Variants in DNAH10 observed in about 807,000 individuals in gnomAD.
DNAH10 encodes axonemal beta dynein heavy chain 10.
DNAH10 carries 348 observed loss-of-function variants against 506.6 expected under a neutral mutation model. The observed-to-expected ratio is 0.69, with a 90% CI of 0.63 to 0.75. The LOEUF (loss-of-function observed/expected upper bound fraction) is 0.75, where lower values mean the gene tolerates loss of function less well. DNAH10 is among the 30% of genes least tolerant of loss of function. DNAH10 has a pLI of 0.00. For synonymous variants in DNAH10, 2,059 were observed against 2,198.6 expected, an observed-to-expected ratio of 0.94 and a Z score of 1.78; for missense variants, 5,179 against 5,787.1, an observed-to-expected ratio of 0.89 and a Z score of 3.41.
intron 30 of DNAH10, 82 bp downstream of exon 30, chr12:123,841,627 G>A: frequency 7.4e-7 from 1 of 1,352,392 alleles, no homozygotes; most frequent in East Asian, 2.4e-5. Flanking sequence ...GGAGTAGATT[G>A]GCTGACATTC....
chr12:123,870,946 G>A (rs1027711851), intron 44 of DNAH10, among the ~76,000 whole-genome samples: 4 of 152,188 alleles, frequency 2.6e-5, no homozygotes, highest in Admixed American at 6.5e-5. Flanking sequence ...TAAAATATAG[G>A]CTGGCTATTC....
Position 123,917,509 on chromosome 12 carries a change from C to T in DNAH10, c.11003-75C>T. 1 of 1,444,418 alleles carries T rather than the reference C, an allele frequency of 6.9e-7. No homozygotes were observed. The allele number at this position is 1,444,418 out of a possible 1,614,324, so 89.5% of individuals were successfully genotyped here. On this transcript the variant is annotated intron_variant, in intron 63 of 78. Coordinates refer to ENST00000673944, the MANE Select transcript of DNAH10 (RefSeq NM_001372106.1). The surrounding 1 kb of genome is among the most constrained non-coding windows in gnomAD (Gnocchi z 5.6). ...GGCTGAGACCCGCGCTAAGCTTGTC[C>T]CGTCACAGCAGGGCAGCGGGAGAGA...
intron 35 of DNAH10, 77 bp downstream of exon 35, chr12:123,851,153 G>T: frequency 4.1e-6 from 6 of 1,446,102 alleles, no homozygotes; most frequent in Non-Finnish European, 5.5e-6. Context: ...GACCTAGGAC[G>T]CGTTAGCTCC....
In DNAH10 at chr12:123,785,902, G is replaced by A; in HGVS notation, c.1387G>A (p.Val463Ile). 1.2e-6 allele frequency: 2 copies of A among 1,613,898 alleles called. No homozygotes were observed. The highest frequency in any genetic ancestry group is 1.7e-6 in the Non-Finnish European group (2 of 1,179,730). ...CATCGCCTGGGAAATCGCTGAGAGA[G>A]TCTGCCGAGTGGTCAACCTGCGGAC... ...ERIAWEIAER[V>I]CRVVNLRTLF... Residue 463 changes from valine (V) to isoleucine (I), a missense_variant, in exon 9 of 79, where the codon GTC becomes ATC. Transcript: ENST00000673944. This position sits in a 1 kb window ranked among gnomAD's most constrained non-coding sequence, Gnocchi z 4.1.
rs1037132039 is a variant in DNAH10 at position 123,861,152 on chromosome 12, C to T, written c.6890C>T (p.Thr2297Ile). ...SNIFREINKP[T>I]DKKERKYILF... Reference sequence around the variant, plus strand: ...ATCTTCAGGGAAATCAACAAGCCAACAGACAAGAAGGAGCGAAAGTGAGTA... The same window carrying T: ...ATCTTCAGGGAAATCAACAAGCCAATAGACAAGAAGGAGCGAAAGTGAGTA... Residue 2297 changes from threonine to isoleucine, a missense_variant, in exon 39 of 79, where the codon ACA becomes ATA. Thr to Ile is a moderately conservative substitution (Grantham distance 89). Transcript: ENST00000673944. The T allele has an allele frequency of 6.2e-7, 1 of 1,613,830 alleles. No homozygotes were observed. Among genetic ancestry groups the T allele is most frequent in the South Asian group, 1.1e-5 (1 of 91,058 alleles).
chr12:123,864,595 G>A lies in DNAH10; in HGVS notation c.6909G>A (p.Lys2303=). 1 of 1,613,650 alleles carries A rather than the reference G, an allele frequency of 6.2e-7. No individual in the cohort carries two copies. Among genetic ancestry groups the A allele is most frequent in the Non-Finnish European group, 8.5e-7 (1 of 1,179,788 alleles). Residue 2303 remains lysine (K), a splice_region_variant and synonymous_variant, in exon 40 of 79, where the codon AAG becomes AAA. Coordinates refer to ENST00000673944, the MANE Select transcript of DNAH10 (RefSeq NM_001372106.1). ...INKPTDKKER[K]YILFDGDVDA... is the part of the protein sequence containing the mutation. ...GCTCTCCTTTCTTTGGTTGCTGCAG[G>A]TATATTTTATTTGATGGTGATGTGG...
At position 123,887,116 on chromosome 12, in the gene DNAH10, C is replaced by T. The variant is rs1268970132; in HGVS notation, c.8824-26C>T. On this transcript the variant is annotated intron_variant, in intron 51 of 78. Transcript: ENST00000673944. ...GAAGGGAGGCTGGTGGTGGTGACGC[C>T]CATGTGCTCTGTGTCTGCATCGCAG... 4 of 1,580,066 alleles carry T rather than the reference C, an allele frequency of 2.5e-6. No homozygotes were observed. In the African/African-American group the frequency reaches 4.0e-5, roughly 16 times the overall value.
At chr12:123,856,237 A>G (rs1035482549) in intron 36 of DNAH10, among the ~76,000 whole-genome samples, 1 of 147,884 alleles carries the variant, frequency 6.8e-6, no homozygotes, top group African/African-American at 2.5e-5. Context: ...TAATATATGT[A>G]TATAATTTAT....
rs1048244663 is a variant in DNAH10, at chr12:123,787,667, C to T, written c.1422-137C>T. 43 of 1,028,374 alleles carry T rather than the reference C, an allele frequency of 4.2e-5. 1 individual carries two copies. Among genetic ancestry groups the T allele is most frequent in the Non-Finnish European group, 5.8e-5 (41 of 701,350 alleles). 63.7% of individuals were successfully genotyped at this position (1,028,374 alleles called of 1,614,324 possible). A position where few individuals can be genotyped will look rare whatever the true frequency, so the allele number is the denominator to read the frequency against. ...ACAGGGCAGCCGCTTGCCCGCTCTGCCTTTTCCGATGAGGCCGTGAAACCA... is the reference window on the plus strand; with the variant it reads ...ACAGGGCAGCCGCTTGCCCGCTCTGTCTTTTCCGATGAGGCCGTGAAACCA... On this transcript the variant is annotated intron_variant, in intron 9 of 78. Transcript: ENST00000673944. This position sits in a 1 kb window ranked among gnomAD's most constrained non-coding sequence, Gnocchi z 4.6.
Position 123,845,582 on chromosome 12 carries a change from G to A in DNAH10, c.5361-18G>A, listed in dbSNP as rs1042816118. 3.1e-6 allele frequency: 5 copies of A among 1,611,088 alleles called. No individual in the cohort carries two copies. Among genetic ancestry groups the A allele is most frequent in the African/African-American group, 1.3e-5 (1 of 74,904 alleles). Reference sequence around the variant, plus strand: ...CCCGGATTGATCAGAGCCTCTTACAGGTGTGCGTTTTCTGCAGAGTCGACT... The same window carrying A: ...CCCGGATTGATCAGAGCCTCTTACAAGTGTGCGTTTTCTGCAGAGTCGACT... On this transcript the variant is annotated intron_variant, in intron 30 of 78. Coordinates refer to ENST00000673944, the MANE Select transcript of DNAH10 (RefSeq NM_001372106.1).
At chr12:123,813,990 G>A in intron 21 of DNAH10, 78 bp downstream of exon 21, 2 of 1,337,974 alleles carry the variant, frequency 1.5e-6, no homozygotes, top group Non-Finnish European at 2.0e-6. Context: ...TGCTTCTCAA[G>A]TATACTGCCA....
chr12:123,835,543 T>C lies in DNAH10; in HGVS notation c.4902+15T>C. 6.2e-7 allele frequency: 1 copy of C among 1,602,464 alleles called. No individual in the cohort carries two copies. The highest frequency in any genetic ancestry group is 1.3e-5 in the African/African-American group (1 of 74,770). On this transcript the variant is annotated intron_variant, in intron 28 of 78. Coordinates refer to ENST00000673944, the MANE Select transcript of DNAH10 (RefSeq NM_001372106.1). Reference sequence around the variant, plus strand: ...TATTTAAAAGGGCAAGTGACTCGCTTCTATTTTAGTAATGAAAGAAGGGCA... The same window carrying C: ...TATTTAAAAGGGCAAGTGACTCGCTCCTATTTTAGTAATGAAAGAAGGGCA...
Position 123,870,497 on chromosome 12 carries a change from T to A in DNAH10, c.7639+12T>A, listed in dbSNP as rs765862371. On this transcript the variant is annotated intron_variant, in intron 44 of 78. Coordinates refer to ENST00000673944, the MANE Select transcript of DNAH10 (RefSeq NM_001372106.1). ...CATCAACATCCTGGGTAAGTCAGAG[T>A]CAAATCCTTGTTCCTGGGTTTAGGA... The A allele has an allele frequency of 2.5e-6, 4 of 1,610,810 alleles. No homozygotes were observed. The South Asian group carries it at 3.3e-5, about 13-fold the overall frequency.
intron 54 of DNAH10, among the ~76,000 whole-genome samples, chr12:123,895,798 G>T (rs1467319219): frequency 6.6e-6 from 1 of 152,042 alleles, no homozygotes; most frequent in African/African-American, 2.4e-5. Context: ...AATTTGCTTA[G>T]AACTTTTTTG....
rs201639583 is a variant in DNAH10, at chr12:123,897,883, A to G, written c.9394A>G (p.Ser3132Gly). ...ACAGTTTCTACAGAAATTGAGGCGC[A>G]GCAACTATGTCACTCCCAAGAACTA... ...SQQFLQKLRR[S>G]NYVTPKNYLD... Residue 3132 changes from serine (S) to glycine (G), a missense_variant, in exon 55 of 79, where the codon AGC becomes GGC. Coordinates refer to ENST00000673944, the MANE Select transcript of DNAH10 (RefSeq NM_001372106.1). 2.5e-4 allele frequency: 407 copies of G among 1,611,624 alleles called. 1 individual carries two copies. The African/African-American group carries it at 4.0e-3, about 16-fold the overall frequency.
At chr12:123,824,514 CAA>C (rs1959759717) in intron 24 of DNAH10, among the ~76,000 whole-genome samples, 1 of 152,124 alleles carries the variant, frequency 6.6e-6, no homozygotes, top group Non-Finnish European at 1.5e-5. Context: ...GCTGCCAGAA[CAA>C]ATGATTATGA....
intron 14 of DNAH10, 49 bp from the exon 15 acceptor site, chr12:123,800,167 C>T: frequency 6.3e-7 from 1 of 1,578,296 alleles, no homozygotes; most frequent in South Asian, 1.2e-5. Context: ...GTTGATCCAA[C>T]TGTCTCTTGG....
rs200903075 is a variant in DNAH10 at position 123,783,946 on chromosome 12, G to A, written c.1000-1G>A. 3.4e-5 allele frequency: 55 copies of A among 1,613,864 alleles called. No individual in the cohort carries two copies. The highest frequency in any genetic ancestry group is 4.2e-5 in the Non-Finnish European group (50 of 1,179,830). On this transcript the variant is annotated splice_acceptor_variant, in intron 7 of 78. Transcript: ENST00000673944. LOFTEE classifies it high-confidence loss of function. ...CTTTGTGTGTTCATTTCACCTCTCA[G>A]GGTAAAGGCCCTCTGGCTGAAATTG...
chr12:123,844,373 T>G (rs940909149), intron 30 of DNAH10, among the ~76,000 whole-genome samples: 39 of 152,142 alleles, frequency 2.6e-4, no homozygotes, highest in Non-Finnish European at 5.6e-4. Flanking sequence ...TCCATTATTT[T>G]TTAAGTGCAG....
Sources: gnomAD v4.1 joint callset for allele counts (sites outside exome capture counted in the v4.1 genomes callset) on GRCh38, gnomAD v4.1.1 for gene constraint, Gnocchi (gnomAD v3.1) non-coding constraint, MANE v1.5 for transcripts, NCBI Gene and HGNC (gene_info 2026-07-23, HGNC 2026-07-21) for gene names.